EFHC1: variants seen among roughly 807,000 people sequenced by gnomAD.
The protein encoded by EFHC1 is EF-hand domain-containing protein 1.
In EFHC1, 53 loss-of-function variants were observed where a neutral mutation model predicts 69.9. The observed-to-expected ratio is 0.76, with a 90% CI of 0.61 to 0.95. EFHC1 has a LOEUF of 0.95. EFHC1 is among the 40% of genes least tolerant of loss of function. The pLI, the probability that EFHC1 is intolerant of heterozygous loss-of-function variation, is 0.00. For missense variants in EFHC1, 739 were observed against 798.7 expected (o/e 0.93, Z 0.90); for synonymous variants, 256 against 278.4 (o/e 0.92, Z 0.80).
At chr6:52,424,848 G>A (rs1308629026) in intron 2 of EFHC1, among the ~76,000 whole-genome samples, 1 of 152,184 alleles carries the variant, frequency 6.6e-6, no homozygotes, top group Non-Finnish European at 1.5e-5. Flanking sequence ...AGAAAGTTAC[G>A]TTATTCCAAC....
intron 5 of EFHC1, 24 bp downstream of exon 5, chr6:52,454,311 C>CT (rs775927259): frequency 3.7e-6 from 6 of 1,613,734 alleles, no homozygotes; most frequent in South Asian, 3.3e-5. Context: ...AGTTTATTCT[C>CT]TGTTACTTGG....
rs1397628711 is a variant in EFHC1 at position 52,442,709 on chromosome 6, G to A, written c.573+4118G>A. 2.0e-5 allele frequency among the ~76,000 whole-genome samples: 3 copies of A among 152,124 alleles called. No individual in the cohort carries two copies. The East Asian group carries it at 5.8e-4, about 29-fold the overall frequency. On this transcript the variant is annotated intron_variant, in intron 3 of 10. Coordinates refer to ENST00000371068, the MANE Select transcript of EFHC1 (RefSeq NM_018100.4). ...CCAGTCTATCATTGTTGGACATTTG[G>A]GTTGGTTCCAAGTCTTTGCTATTGT...
chr6:52,493,368 A>T lies in EFHC1; in HGVS notation c.*1027A>T. The T allele has an allele frequency of 5.5e-6, 1 of 180,780 alleles. No homozygotes were observed. Among genetic ancestry groups the T allele is most frequent in the Non-Finnish European group, 1.1e-5 (1 of 91,218 alleles). 11.2% of individuals were successfully genotyped at this position (180,780 alleles called of 1,614,324 possible). On this transcript the variant is annotated 3_prime_UTR_variant, in exon 11 of 11. Coordinates refer to ENST00000371068, the MANE Select transcript of EFHC1 (RefSeq NM_018100.4). The stretch of plus-strand genomic sequence containing the variant: ...ACTCTCTCTTTCTCTCTCTCTACAT[A>T]TATATATATATATATATTTTATATG...
At chr6:52,434,351 CT>C (rs1562445496) in intron 2 of EFHC1, among the ~76,000 whole-genome samples, 1 of 152,160 alleles carries the variant, frequency 6.6e-6, no homozygotes, top group Non-Finnish European at 1.5e-5. Flanking sequence ...GACCATAGGA[CT>C]TTTCCCGCTG....
At chr6:52,489,993 T>C in intron 9 of EFHC1, 147 bp from the exon 10 acceptor site, 1 of 759,380 alleles carries the variant, frequency 1.3e-6, no homozygotes, top group South Asian at 1.6e-5. Context: ...TATCGGCCTG[T>C]GGGCAAGTGT....
chr6:52,432,957 T>A (rs1764447369), intron 2 of EFHC1, among the ~76,000 whole-genome samples: 1 of 152,026 alleles, frequency 6.6e-6, no homozygotes, highest in Non-Finnish European at 1.5e-5. Flanking sequence ...AGTTCTTTCT[T>A]CTGCTTGTTT....
chr6:52,447,127 A>C (rs1297223931), intron 3 of EFHC1, among the ~76,000 whole-genome samples: 1 of 152,214 alleles, frequency 6.6e-6, no homozygotes, highest in Non-Finnish European at 1.5e-5. Context: ...AGTTTGGGGA[A>C]GTTCTCTTGG....
At chr6:52,491,906 G>A (rs1196441271) in intron 10 of EFHC1, among the ~76,000 whole-genome samples, 1 of 152,160 alleles carries the variant, frequency 6.6e-6, no homozygotes. Context: ...TGCCTTCAGC[G>A]TTCCTTCTGG....
At chr6:52,426,601 C>T (rs186487698) in intron 2 of EFHC1, among the ~76,000 whole-genome samples, 1 of 152,228 alleles carries the variant, frequency 6.6e-6, no homozygotes, top group East Asian at 1.9e-4. Context: ...TCCCCCTGGC[C>T]CATGGGATAT....
chr6:52,429,815 C>T (rs62407890), intron 2 of EFHC1, among the ~76,000 whole-genome samples: 60,852 of 151,888 alleles, frequency 0.4, 12,695 homozygotes, highest in African/African-American at 0.51. Flanking sequence ...TTGATTCCCA[C>T]CCTATCAGCA....
At position 52,438,475 on chromosome 6, in the gene EFHC1, C is replaced by T. The variant is rs373625101; in HGVS notation, c.457C>T (p.Arg153Trp). 9.0e-5 allele frequency: 146 copies of T among 1,613,812 alleles called. No individual in the cohort carries two copies. The highest frequency in any genetic ancestry group is 1.1e-4 in the Non-Finnish European group (135 of 1,179,956). The change falls in exon 3 of 11, where the codon CGG (arginine) becomes TGG (tryptophan). Residue 153 changes from arginine to tryptophan, a missense_variant. Transcript: ENST00000371068. ...TCAAGGCAAGTTAATAAAACGCCAG[C>T]GGCTAGCCAAGAATGACCGGGGTGA... is the stretch of plus-strand genomic sequence containing the variant. Reference protein sequence around the residue: ...ILQGKLIKRQRLAKNDRGDHY... With the variant: ...ILQGKLIKRQWLAKNDRGDHY...
At chr6:52,481,033 G>A (rs1765662048) in intron 9 of EFHC1, among the ~76,000 whole-genome samples, 1 of 152,210 alleles carries the variant, frequency 6.6e-6, no homozygotes. Flanking sequence ...TTTGTTGAAA[G>A]TAGATTAGGA....
intron 7 of EFHC1, among the ~76,000 whole-genome samples, chr6:52,470,247 A>G (rs961017942): frequency 6.6e-6 from 1 of 152,202 alleles, no homozygotes; most frequent in Admixed American, 6.5e-5. Flanking sequence ...ACAAAGCTTT[A>G]AATAAAAAGA....
intron 3 of EFHC1, among the ~76,000 whole-genome samples, chr6:52,450,653 T>G (rs1364078593): frequency 6.6e-6 from 1 of 152,194 alleles, no homozygotes; most frequent in African/African-American, 2.4e-5. Context: ...TTCCATCTGC[T>G]TGGTAGATTT....
At chr6:52,464,053 G>A (rs1173928659) in intron 5 of EFHC1, among the ~76,000 whole-genome samples, 2 of 152,176 alleles carry the variant, frequency 1.3e-5, no homozygotes, top group African/African-American at 2.4e-5. Flanking sequence ...TCAGGGTTCT[G>A]TGCCAAAGCT....
intron 9 of EFHC1, chr6:52,483,958 T>C (rs1267209990): frequency 6.6e-6 from 1 of 152,224 alleles, no homozygotes; most frequent in Non-Finnish European, 1.5e-5. Flanking sequence ...GGAGGTTTGG[T>C]GCAAGGGACA....
chr6:52,430,431 T>C (rs1044952670), intron 2 of EFHC1: 2 of 152,172 alleles, frequency 1.3e-5, no homozygotes, highest in African/African-American at 4.8e-5. Context: ...GTACTAGATT[T>C]TGTTGATTGC....
chr6:52,489,905 G>A lies in EFHC1; in HGVS notation c.1641-235G>A, dbSNP rs189203464. Among the ~76,000 whole-genome samples the A allele has an allele frequency of 6.6e-5, 10 of 152,236 alleles. No individual in the cohort carries two copies. In the East Asian group the frequency reaches 1.5e-3, roughly 24 times the overall value. ...CTTGTGATGCAGTGATTAACAGATG[G>A]CAGGAAAGGAGGCTGAGCAAGAAGG... On this transcript the variant is annotated intron_variant, in intron 9 of 10. Transcript: ENST00000371068.
intron 7 of EFHC1, among the ~76,000 whole-genome samples, chr6:52,474,734 T>A (rs1300092535): frequency 6.6e-6 from 1 of 152,114 alleles, no homozygotes; most frequent in East Asian, 1.9e-4. Context: ...AATGTAAGAA[T>A]CCAGACACAA....
Sources: gnomAD v4.1 joint callset for allele counts (sites outside exome capture counted in the v4.1 genomes callset) on GRCh38, gnomAD v4.1.1 for gene constraint, MANE v1.5 for transcripts, NCBI Gene and HGNC (gene_info 2026-07-23, HGNC 2026-07-21) for gene names.